Variants in AKT2 observed in about 807,000 individuals in gnomAD.
AKT2 encodes RAC-beta serine/threonine-protein kinase.
Under a neutral mutation model 58.6 loss-of-function variants are expected in AKT2, and 16 were observed. The observed-to-expected ratio is 0.27, with a 90% CI of 0.18 to 0.41. The LOEUF (loss-of-function observed/expected upper bound fraction) is 0.41, where lower values mean the gene tolerates loss of function less well. Among genes scored for constraint, AKT2 ranks in the 10% least tolerant of loss-of-function variants. AKT2 has a pLI of 1.00. For missense variants in AKT2, 438 were observed against 661.0 expected (o/e 0.66, Z 3.70); for synonymous variants, 253 against 254.0 (o/e 1.00, Z 0.04).
chr19:40,232,399 G>C lies in AKT2; in HGVS notation c.*1473C>G. 1 of 233,722 alleles carries C rather than the reference G, an allele frequency of 4.3e-6. No homozygotes were observed. Among genetic ancestry groups the C allele is most frequent in the East Asian group, 6.0e-5 (1 of 16,570 alleles). 14.5% of individuals were successfully genotyped at this position (233,722 alleles called of 1,614,324 possible). The stretch of plus-strand genomic sequence containing the variant: ...GAAGACGAGGAGAAAGGCCAGTAGG[G>C]ACGGAGAACTGTCAGATAACAACAT... On this transcript the variant is annotated 3_prime_UTR_variant, in exon 14 of 14. Transcript: ENST00000392038.
chr19:40,260,337 T>C (rs181493253), intron 2 of AKT2, among the ~76,000 whole-genome samples: 31 of 148,542 alleles, frequency 2.1e-4, no homozygotes, highest in African/African-American at 7.2e-4. Flanking sequence ...AAATATAGAA[T>C]ATATCACCCC....
chr19:40,276,327 G>A (rs1041959751), intron 1 of AKT2, among the ~76,000 whole-genome samples: 6 of 127,102 alleles, frequency 4.7e-5, no homozygotes, highest in African/African-American at 1.5e-4. Context: ...CTCAGCTTCC[G>A]CATCTGTAAA....
In AKT2 at chr19:40,238,281, G is replaced by A. The variant is rs575383964; in HGVS notation, c.709-190C>T. Among the ~76,000 whole-genome samples the A allele has an allele frequency of 3.9e-5, 6 of 152,346 alleles. No homozygotes were observed. The highest frequency in any genetic ancestry group is 7.3e-5 in the Non-Finnish European group (5 of 68,030). ...GTGACACAGAGCTGGGGGGAAGGGC[G>A]AGGGTCTGCCAGGAGGCACCCATGA... On this transcript the variant is annotated intron_variant, in intron 8 of 13. Coordinates refer to ENST00000392038, the MANE Select transcript of AKT2 (RefSeq NM_001626.6). This position sits in a 1 kb window ranked among gnomAD's most constrained non-coding sequence, Gnocchi z 5.1.
At position 40,231,432 on chromosome 19, in the gene AKT2, G is replaced by GACT. The variant is rs1973697106; in HGVS notation, c.*2439_*2440insAGT. 4.3e-6 allele frequency: 1 copy of GACT among 233,202 alleles called. No individual in the cohort carries two copies. Among genetic ancestry groups the GACT allele is most frequent in the African/African-American group, 2.2e-5 (1 of 45,368 alleles). The allele number at this position is 233,202 out of a possible 1,614,324, so 14.4% of individuals were successfully genotyped here. On this transcript the variant is annotated 3_prime_UTR_variant, in exon 14 of 14. Coordinates refer to ENST00000392038, the MANE Select transcript of AKT2 (RefSeq NM_001626.6). ...TTAAATTAAGGTCCACATGACTTTA[G>GACT]AAAGACAAACTAAAAAACCCCAACC...
At chr19:40,240,268 C>CA in intron 6 of AKT2, 158 bp from the exon 7 acceptor site, 1 of 838,682 alleles carries the variant, frequency 1.2e-6, no homozygotes, top group Non-Finnish European at 2.1e-6. Flanking sequence ...AAACCCTCAG[C>CA]AAATAGCAGA....
At position 40,235,550 on chromosome 19, in the gene AKT2, C is replaced by G. The variant is rs1445765379; in HGVS notation, c.1176-200G>C. 3.0e-6 allele frequency: 2 copies of G among 656,150 alleles called. No individual in the cohort carries two copies. Among genetic ancestry groups the G allele is most frequent in the Non-Finnish European group, 5.5e-6 (2 of 365,446 alleles). 40.6% of individuals were successfully genotyped at this position (656,150 alleles called of 1,614,324 possible). On this transcript the variant is annotated intron_variant, in intron 11 of 13. Coordinates refer to ENST00000392038, the MANE Select transcript of AKT2 (RefSeq NM_001626.6). The surrounding 1 kb of genome is among the most constrained non-coding windows in gnomAD (Gnocchi z 6.3). ...CCAGGGAGTCAGCAACCCGGACCCA[C>G]GTGTCCTCACTGCCTGGCCTTACCC...
rs1599941154 is a variant in AKT2, at chr19:40,232,878, G to C, written c.*994C>G. 8.5e-6 allele frequency: 2 copies of C among 236,146 alleles called. No homozygotes were observed. The highest frequency in any genetic ancestry group is 1.2e-4 in the East Asian group (2 of 16,786). 14.6% of individuals were successfully genotyped at this position (236,146 alleles called of 1,614,324 possible). A position where few individuals can be genotyped will look rare whatever the true frequency, so the allele number is the denominator to read the frequency against. Reference sequence around the variant, plus strand: ...CCTGGGGAGAGGGAGGGGTGAGGGGGGCCTAGGAGCCTCCCTTTTCAGAGG... The same window carrying C: ...CCTGGGGAGAGGGAGGGGTGAGGGGCGCCTAGGAGCCTCCCTTTTCAGAGG... On this transcript the variant is annotated 3_prime_UTR_variant, in exon 14 of 14. Transcript: ENST00000392038.
intron 2 of AKT2, among the ~76,000 whole-genome samples, chr19:40,264,650 G>A (rs1010868341): frequency 2.6e-5 from 4 of 152,014 alleles, no homozygotes; most frequent in South Asian, 2.1e-4. Flanking sequence ...CCCAGCCAGC[G>A]TCTCACCTCC....
chr19:40,270,025 C>T (rs1976601516), intron 1 of AKT2, among the ~76,000 whole-genome samples: 1 of 152,220 alleles, frequency 6.6e-6, no homozygotes, highest in Non-Finnish European at 1.5e-5. Context: ...CCCTCAGCTG[C>T]CAGGATACAT....
At chr19:40,265,735 C>T (rs992017094) in intron 1 of AKT2, among the ~76,000 whole-genome samples, 4 of 152,168 alleles carry the variant, frequency 2.6e-5, no homozygotes, top group African/African-American at 9.7e-5. Context: ...ATGAATGAGG[C>T]AGCCCAGGGT....
chr19:40,274,535 G>A, intron 1 of AKT2: 1 of 163,992 alleles, frequency 6.1e-6, no homozygotes, highest in South Asian at 1.5e-4. Flanking sequence ...AGACAGGATA[G>A]CCAAAGCTAA....
At chr19:40,278,404 C>A (rs541595816) in intron 1 of AKT2, among the ~76,000 whole-genome samples, 1 of 152,264 alleles carries the variant, frequency 6.6e-6, no homozygotes, top group Admixed American at 6.5e-5. Flanking sequence ...CACTGAGAGG[C>A]GAACTACTCA....
In AKT2 at chr19:40,233,025, A is replaced by G. The variant is rs1973792698; in HGVS notation, c.*847T>C. On this transcript the variant is annotated 3_prime_UTR_variant, in exon 14 of 14. Coordinates refer to ENST00000392038, the MANE Select transcript of AKT2 (RefSeq NM_001626.6). This position sits in a 1 kb window ranked among gnomAD's most constrained non-coding sequence, Gnocchi z 4.3. Reference sequence around the variant, plus strand: ...AAGGCTGGTGGCCCTCCACCCCCGCAGAGGAGAGGGTGAGCCCAGCCCATA... The same window carrying G: ...AAGGCTGGTGGCCCTCCACCCCCGCGGAGGAGAGGGTGAGCCCAGCCCATA... 4.8e-6 allele frequency: 1 copy of G among 206,502 alleles called. No individual in the cohort carries two copies. The highest frequency in any genetic ancestry group is 9.5e-6 in the Non-Finnish European group (1 of 104,936). 12.8% of individuals were successfully genotyped at this position (206,502 alleles called of 1,614,324 possible). A position where few individuals can be genotyped will look rare whatever the true frequency, so the allele number is the denominator to read the frequency against.
intron 6 of AKT2, chr19:40,240,396 C>T: frequency 1.6e-6 from 1 of 641,690 alleles, no homozygotes. Context: ...GCAAGGGAGA[C>T]AAACAGACAT....
At chr19:40,256,800 A>G in intron 3 of AKT2, 126 bp downstream of exon 3, 1 of 1,464,130 alleles carries the variant, frequency 6.8e-7, no homozygotes, top group Non-Finnish European at 9.5e-7. Flanking sequence ...GAAGGGTGAA[A>G]ACAGATCCAA....
At chr19:40,252,733 T>C (rs907500275) in intron 4 of AKT2, among the ~76,000 whole-genome samples, 4 of 152,176 alleles carry the variant, frequency 2.6e-5, no homozygotes, top group African/African-American at 9.7e-5. Context: ...ATGCATGAGC[T>C]ATTTCACCTC....
Position 40,265,286 on chromosome 19 carries a change from T to G in AKT2, c.-19A>C. Reference sequence around the variant, plus strand: ...CATTCATGGTGGCAGCGTGGTACGCTGTCACCTAGCTCGGGACAGCTCAGG... The same window carrying G: ...CATTCATGGTGGCAGCGTGGTACGCGGTCACCTAGCTCGGGACAGCTCAGG... On this transcript the variant is annotated 5_prime_UTR_variant, in exon 2 of 14. Transcript: ENST00000392038. 6.2e-7 allele frequency: 1 copy of G among 1,611,998 alleles called. No individual in the cohort carries two copies. Among genetic ancestry groups the G allele is most frequent in the Non-Finnish European group, 8.5e-7 (1 of 1,179,210 alleles).
In AKT2 at chr19:40,239,886, A is replaced by G. The variant is rs750881897; in HGVS notation, c.639+159T>C. 3 of 865,624 alleles carry G rather than the reference A, an allele frequency of 3.5e-6. No individual in the cohort carries two copies. The Admixed American group carries it at 5.6e-5, about 16-fold the overall frequency. 53.6% of individuals were successfully genotyped at this position (865,624 alleles called of 1,614,324 possible). A position where few individuals can be genotyped will look rare whatever the true frequency, so the allele number is the denominator to read the frequency against. ...CCCCGAGCCTGCTCACCCCCACCAC[A>G]TGTCTTGGTTCGGATGACTTGGCAG... On this transcript the variant is annotated intron_variant, in intron 7 of 13. Coordinates refer to ENST00000392038, the MANE Select transcript of AKT2 (RefSeq NM_001626.6).
In AKT2 at chr19:40,236,268, G is replaced by A; in HGVS notation, c.949C>T (p.Leu317=). ...CCAACCCCAGACACCTCAGGCGCCA[G>A]GTACTCCGGGGTCCCACAGAAGGTT... ...MKTFCGTPEY[L]APEVLEDNDY... The change falls in exon 10 of 14, where the codon CTG becomes TTG. Residue 317 remains leucine, a synonymous_variant. Coordinates refer to ENST00000392038, the MANE Select transcript of AKT2 (RefSeq NM_001626.6). 1 of 1,613,942 alleles carries A rather than the reference G, an allele frequency of 6.2e-7. No homozygotes were observed. Among genetic ancestry groups the A allele is most frequent in the Non-Finnish European group, 8.5e-7 (1 of 1,180,022 alleles).
Sources: allele counts gnomAD v4.1 joint callset (sites outside exome capture counted in the v4.1 genomes callset), GRCh38; gene constraint gnomAD v4.1.1; non-coding constraint Gnocchi (gnomAD v3.1); transcripts MANE v1.5; gene names NCBI Gene and HGNC (gene_info 2026-07-23, HGNC 2026-07-21).